The following MCTP2 variants were observed in gnomAD, a reference collection of about 807,000 sequenced individuals.
The protein encoded by MCTP2 is multiple C2 and transmembrane domain containing 2, also known as multiple C2 and transmembrane domain-containing protein 2.
In MCTP2, 132 loss-of-function variants were observed where a neutral mutation model predicts 111.6. That is an observed-to-expected ratio of 1.18 (90% CI 1.03 to 1.37). MCTP2 has a LOEUF of 1.37. MCTP2 is among the 40% of genes most tolerant of loss of function. MCTP2 has a pLI of 0.00. For synonymous variants in MCTP2, 395 were observed against 387.7 expected (o/e 1.02, Z -0.22); for missense variants, 1,183 against 1,067.9 (o/e 1.11, Z -1.50).
intron 1 of MCTP2, among the ~76,000 whole-genome samples, chr15:94,263,523 G>A (rs764788506): frequency 1.1e-4 from 17 of 152,276 alleles, no homozygotes; most frequent in Middle Eastern, 3.4e-3. Context: ...ACTTACGCCC[G>A]AATGAAGTTT....
At chr15:94,451,904 G>A (rs943028165) in intron 19 of MCTP2, among the ~76,000 whole-genome samples, 2 of 152,156 alleles carry the variant, frequency 1.3e-5, no homozygotes, top group African/African-American at 4.8e-5. Context: ...CTTCTTGAAG[G>A]GAAGGAACTG....
intron 1 of MCTP2, among the ~76,000 whole-genome samples, chr15:94,261,221 G>C (rs1418614347): frequency 6.6e-6 from 1 of 152,158 alleles, no homozygotes; most frequent in African/African-American, 2.4e-5. Flanking sequence ...ATAAAACCAA[G>C]TTGTACCCCC....
chr15:94,413,770 C>T (rs1258631427), intron 17 of MCTP2, among the ~76,000 whole-genome samples: 2 of 152,054 alleles, frequency 1.3e-5, no homozygotes, highest in African/African-American at 4.8e-5. Context: ...TAACATTAGA[C>T]AATACATAGT....
intron 22 of MCTP2, among the ~76,000 whole-genome samples, chr15:94,478,273 C>T (rs550490738): frequency 2.0e-5 from 3 of 152,318 alleles, no homozygotes; most frequent in African/African-American, 7.2e-5. Flanking sequence ...TCAAAGTGGC[C>T]ATTCCAGTTG....
intron 12 of MCTP2, among the ~76,000 whole-genome samples, chr15:94,380,904 A>G (rs549991687): frequency 5.3e-5 from 8 of 152,374 alleles, no homozygotes; most frequent in Non-Finnish European, 1.0e-4. Flanking sequence ...CATTCAAGAA[A>G]TACAAATAAA....
At chr15:94,473,524 GCTTTT>G (rs1414467193) in intron 21 of MCTP2, among the ~76,000 whole-genome samples, 1 of 152,178 alleles carries the variant, frequency 6.6e-6, no homozygotes, top group Admixed American at 6.5e-5. Flanking sequence ...AGAAGGCAGA[GCTTTT>G]CTTAGGATTA....
chr15:94,440,154 T>TAAAGCAG lies in MCTP2; in HGVS notation c.2086-22_2086-21insAAAGCAG, dbSNP rs781760887. ...TAGTGTTTTATCAAGCAGTCGTGTA[T>TAAAGCAG]TCTTATTTGTCTTTCAATCAGGTAT... On this transcript the variant is annotated intron_variant, in intron 17 of 22. Coordinates refer to ENST00000357742, the MANE Select transcript of MCTP2 (RefSeq NM_001385001.1). The TAAAGCAG allele has an allele frequency of 2.5e-6, 4 of 1,612,916 alleles. No homozygotes were observed. The African/African-American group carries it at 5.3e-5, about 22-fold the overall frequency.
intron 17 of MCTP2, among the ~76,000 whole-genome samples, chr15:94,406,928 C>G (rs771230114): frequency 2.0e-5 from 3 of 151,154 alleles, no homozygotes; most frequent in Non-Finnish European, 4.4e-5. Flanking sequence ...AATAACCACC[C>G]CTTATGTTCC....
intron 17 of MCTP2, among the ~76,000 whole-genome samples, chr15:94,431,735 C>T (rs2083194741): frequency 1.3e-5 from 2 of 152,060 alleles, no homozygotes; most frequent in Admixed American, 1.3e-4. Flanking sequence ...TTTGTTTCAC[C>T]TTTACCCAAT....
chr15:94,457,835 A>T (rs2084932333), intron 19 of MCTP2, among the ~76,000 whole-genome samples: 1 of 152,176 alleles, frequency 6.6e-6, no homozygotes, highest in South Asian at 2.1e-4. Flanking sequence ...GGATTGCAGA[A>T]TTCTGCGAGG....
Position 94,399,997 on chromosome 15 carries a change from T to C in MCTP2, c.1965+2T>C, listed in dbSNP as rs1160468340. The C allele has an allele frequency of 6.2e-7, 1 of 1,613,720 alleles. No individual in the cohort carries two copies. The highest frequency in any genetic ancestry group is 8.5e-7 in the Non-Finnish European group (1 of 1,179,802). ...GACAGCCGCAAGCTGTCCAAAAAGG[T>C]GGGTCGCTACAGTAGGTGGCTTGTT... On this transcript the variant is annotated splice_donor_variant, in intron 16 of 22. Coordinates refer to ENST00000357742, the MANE Select transcript of MCTP2 (RefSeq NM_001385001.1). LOFTEE classifies it high-confidence loss of function.
chr15:94,452,671 C>G (rs2084536898), intron 19 of MCTP2, among the ~76,000 whole-genome samples: 1 of 152,208 alleles, frequency 6.6e-6, no homozygotes, highest in African/African-American at 2.4e-5. Context: ...CGGGTCTTAT[C>G]TGTTGATCCC....
intron 17 of MCTP2, among the ~76,000 whole-genome samples, chr15:94,436,611 A>G (rs66512256): frequency 0.2 from 29,696 of 152,080 alleles, 3,173 homozygotes; most frequent in East Asian, 0.41. Context: ...CCAATGCTAT[A>G]GCAAATGAGG....
chr15:94,474,989 G>T (rs1450252058), intron 21 of MCTP2, among the ~76,000 whole-genome samples: 2 of 151,950 alleles, frequency 1.3e-5, no homozygotes, highest in Non-Finnish European at 2.9e-5. Flanking sequence ...GATCAGCTGT[G>T]ATATTATCCC....
intron 2 of MCTP2, among the ~76,000 whole-genome samples, chr15:94,299,410 G>GT (rs1483968349): frequency 6.6e-6 from 1 of 152,048 alleles, no homozygotes; most frequent in Non-Finnish European, 1.5e-5. Flanking sequence ...GCATATGAAT[G>GT]TATGTCCCCC....
At chr15:94,276,039 T>C (rs2074183791) in intron 1 of MCTP2, among the ~76,000 whole-genome samples, 2 of 151,966 alleles carry the variant, frequency 1.3e-5, no homozygotes, top group African/African-American at 2.4e-5. Flanking sequence ...AGAGATGGGA[T>C]TTCACCGTGT....
At chr15:94,357,810 C>G (rs1245357418) in intron 9 of MCTP2, among the ~76,000 whole-genome samples, 1 of 152,054 alleles carries the variant, frequency 6.6e-6, no homozygotes, top group African/African-American at 2.4e-5. Context: ...ATAAAGGAAA[C>G]AAAAATGAAA....
chr15:94,461,187 C>T lies in MCTP2; in HGVS notation c.2360+2941C>T, dbSNP rs112394939. On this transcript the variant is annotated intron_variant, in intron 20 of 22. Coordinates refer to ENST00000357742, the MANE Select transcript of MCTP2 (RefSeq NM_001385001.1). ...TCAACATGTAGCATTTGGCTGGGCA[C>T]GGTGGCTCACATCTGTAATCCCAGC... is the stretch of plus-strand genomic sequence containing the variant. Among the ~76,000 whole-genome samples, 463 of 152,218 alleles carry T rather than the reference C, an allele frequency of 3.0e-3. 4 individuals carry two copies. The highest frequency in any genetic ancestry group is 0.01 in the African/African-American group (436 of 41,542).
intron 1 of MCTP2, among the ~76,000 whole-genome samples, chr15:94,291,457 C>T (rs1260058564): frequency 6.6e-6 from 1 of 151,910 alleles, no homozygotes; most frequent in Non-Finnish European, 1.5e-5. Flanking sequence ...ACAAAATTGC[C>T]GAGAGTGGTG....
Sources: gnomAD v4.1 joint callset for allele counts (sites outside exome capture counted in the v4.1 genomes callset) on GRCh38, gnomAD v4.1.1 for gene constraint, MANE v1.5 for transcripts, NCBI Gene and HGNC (gene_info 2026-07-23, HGNC 2026-07-21) for gene names.